INTS8: variants seen among roughly 807,000 people sequenced by gnomAD.
INTS8 encodes the protein integrator complex subunit 8.
A neutral mutation model predicts 138.9 loss-of-function variants in INTS8; 47 were observed. The observed-to-expected ratio is 0.34, with a 90% CI of 0.27 to 0.43. The LOEUF is 0.43. INTS8 is among the 20% of genes least tolerant of loss of function. INTS8 has a pLI of 1.00. For synonymous variants in INTS8, 392 were observed against 400.9 expected (o/e 0.98, Z 0.27); for missense variants, 996 against 1,173.0 (o/e 0.85, Z 2.20).
chr8:94,825,389 G>A (rs113512588), intron 2 of INTS8, among the ~76,000 whole-genome samples: 12 of 151,186 alleles, frequency 7.9e-5, no homozygotes, highest in African/African-American at 2.7e-4. Context: ...CCGAGATGGC[G>A]CTACTGCACT....
At chr8:94,841,673 T>A in intron 9 of INTS8, 82 bp downstream of exon 9, 1 of 738,274 alleles carries the variant, frequency 1.4e-6, no homozygotes, top group Non-Finnish European at 2.4e-6. Context: ...CATTTTCAAA[T>A]TTCCTATGGC....
chr8:94,854,744 T>C (rs1815682239), intron 14 of INTS8, among the ~76,000 whole-genome samples: 1 of 152,152 alleles, frequency 6.6e-6, no homozygotes, highest in African/African-American at 2.4e-5. Flanking sequence ...TGGGAACTTT[T>C]TGTTTGAGAC....
At chr8:94,843,853 C>T (rs1412100038) in intron 10 of INTS8, among the ~76,000 whole-genome samples, 1 of 152,144 alleles carries the variant, frequency 6.6e-6, no homozygotes, top group African/African-American at 2.4e-5. Flanking sequence ...CATCAGTCAA[C>T]ATCCTTGTTA....
chr8:94,838,596 G>C lies in INTS8; in HGVS notation c.995G>C (p.Cys332Ser), dbSNP rs550816890. Residue 332 changes from cysteine (C) to serine (S), a missense_variant, in exon 8 of 27, where the codon TGT becomes TCT. By Grantham distance (112) the Cys-to-Ser change is moderately radical. Coordinates refer to ENST00000523731, the MANE Select transcript of INTS8 (RefSeq NM_017864.4). ...QLTPYSQVHICLRSGNYQEVI... is the reference protein window; with the variant it reads ...QLTPYSQVHISLRSGNYQEVI... ...ACTCCATATAGTCAAGTCCATATTT[G>C]TTTGAGATCTGGCAACTATCAGGTA... 6.2e-7 allele frequency: 1 copy of C among 1,612,974 alleles called. No homozygotes were observed. Among genetic ancestry groups the C allele is most frequent in the African/African-American group, 1.3e-5 (1 of 75,010 alleles).
Position 94,881,165 on chromosome 8 carries a change from T to TTTAA in INTS8, c.*934_*937dup, listed in dbSNP as rs1346053512. 2.3e-5 allele frequency: 9 copies of TTTAA among 390,122 alleles called. No homozygotes were observed. Among genetic ancestry groups the TTTAA allele is most frequent in the Non-Finnish European group, 3.6e-5 (8 of 221,108 alleles). The allele number at this position is 390,122 out of a possible 1,614,324, so 24.2% of individuals were successfully genotyped here. ...CTAAACCTTTGTAAACAAGTTTAAA[T>TTTAA]TTAATTTTCAAGAACCAAATTGCAC... On this transcript the variant is annotated 3_prime_UTR_variant, in exon 27 of 27. Transcript: ENST00000523731.
rs993847060 is a variant in INTS8, at chr8:94,869,782, C to CACCCA, written c.2415-2102_2415-2101insACCCA. On this transcript the variant is annotated intron_variant, in intron 20 of 26. Coordinates refer to ENST00000523731, the MANE Select transcript of INTS8 (RefSeq NM_017864.4). The stretch of plus-strand genomic sequence containing the variant: ...CTGGGATTACAGGCATGAGCCACTG[C>CACCCA]GCCCCACCTAATGGTTGTGTTTTTT... Among the ~76,000 whole-genome samples, 128 of 152,158 alleles carry CACCCA rather than the reference C, an allele frequency of 8.4e-4. 3 individuals carry two copies. The highest frequency in any genetic ancestry group is 2.6e-4 in the Non-Finnish European group (18 of 68,030).
intron 16 of INTS8, among the ~76,000 whole-genome samples, chr8:94,860,579 CAAA>C (rs58945163): frequency 5.1e-5 from 2 of 39,464 alleles, no homozygotes; most frequent in Non-Finnish European, 9.5e-5. Context: ...AACTCTACCT[CAAA>C]AAAAAAAAAA....
chr8:94,871,694 TA>T (rs1816403398), intron 20 of INTS8, among the ~76,000 whole-genome samples, 189 bp from the exon 21 acceptor site: 2 of 152,328 alleles, frequency 1.3e-5, no homozygotes, highest in South Asian at 4.1e-4. Flanking sequence ...CAACCCCTCA[TA>T]AAAAGCCCAT....
At chr8:94,835,921 T>G (rs1372465713) in intron 6 of INTS8, among the ~76,000 whole-genome samples, 1 of 152,164 alleles carries the variant, frequency 6.6e-6, no homozygotes, top group Middle Eastern at 3.2e-3. Flanking sequence ...TAGAATCAAC[T>G]AAAAACTCCC....
chr8:94,826,678 G>T (rs1001458272), intron 2 of INTS8, among the ~76,000 whole-genome samples: 2 of 152,324 alleles, frequency 1.3e-5, no homozygotes, highest in Admixed American at 1.3e-4. Context: ...AATGATTTGG[G>T]AAGTGGGGAA....
At chr8:94,858,481 T>G (rs1815834613) in intron 15 of INTS8, among the ~76,000 whole-genome samples, 1 of 152,196 alleles carries the variant, frequency 6.6e-6, no homozygotes. Flanking sequence ...ACATATTTAC[T>G]TTTTAAAAGT....
Position 94,836,568 on chromosome 8 carries a change from A to C in INTS8, c.798A>C (p.Thr266=). Residue 266 remains threonine (T), a synonymous_variant, in exon 7 of 27, where the codon ACA becomes ACC. Coordinates refer to ENST00000523731, the MANE Select transcript of INTS8 (RefSeq NM_017864.4). ...LGAAYFQQGS[T]NSAVYENARE... is the part of the protein sequence containing the mutation. Reference sequence around the variant, plus strand: ...CAGCATACTTCCAGCAAGGCTCCACAAATTCAGCTGTCTATGAAAATGCCA... The same window carrying C: ...CAGCATACTTCCAGCAAGGCTCCACCAATTCAGCTGTCTATGAAAATGCCA... The C allele has an allele frequency of 6.2e-7, 1 of 1,614,140 alleles. No homozygotes were observed. Among genetic ancestry groups the C allele is most frequent in the Admixed American group, 1.7e-5 (1 of 60,016 alleles).
chr8:94,827,256 C>T lies in INTS8; in HGVS notation c.306-7C>T. 6.2e-7 allele frequency: 1 copy of T among 1,611,982 alleles called. No individual in the cohort carries two copies. Among genetic ancestry groups the T allele is most frequent in the South Asian group, 1.1e-5 (1 of 90,782 alleles). On this transcript the variant is annotated splice_region_variant and splice_polypyrimidine_tract_variant and intron_variant, in intron 2 of 26. Transcript: ENST00000523731. ...ATGTGCAAACATGTACGTTTTGCTT[C>T]TTCAAGTTTGTCTGTTCCAGTATTG...
intron 8 of INTS8, among the ~76,000 whole-genome samples, chr8:94,839,989 A>G (rs1018249916): frequency 6.6e-6 from 1 of 152,208 alleles, no homozygotes; most frequent in Non-Finnish European, 1.5e-5. Flanking sequence ...AGACAAGTAC[A>G]TGTTACTGTG....
At chr8:94,854,221 A>T (rs1180688653) in intron 14 of INTS8, among the ~76,000 whole-genome samples, 1 of 151,970 alleles carries the variant, frequency 6.6e-6, no homozygotes, top group Non-Finnish European at 1.5e-5. Flanking sequence ...AAAAAAAAAA[A>T]AAAGAAAAGA....
At chr8:94,869,280 C>T (rs986834920) in intron 20 of INTS8, among the ~76,000 whole-genome samples, 4 of 151,840 alleles carry the variant, frequency 2.6e-5, no homozygotes, top group African/African-American at 7.3e-5. Flanking sequence ...CCACGGCCAG[C>T]CCAGTTTTGC....
intron 17 of INTS8, 99 bp from the exon 18 acceptor site, chr8:94,866,059 T>C (rs1056889265): frequency 4.3e-5 from 25 of 586,448 alleles, no homozygotes; most frequent in Non-Finnish European, 5.2e-5. Context: ...ACTTGCAGAA[T>C]TGGAGCATTA....
intron 17 of INTS8, among the ~76,000 whole-genome samples, 197 bp downstream of exon 17, chr8:94,865,887 T>C (rs964406176): frequency 6.6e-6 from 1 of 152,226 alleles, no homozygotes; most frequent in African/African-American, 2.4e-5. Flanking sequence ...AAAGATCTTT[T>C]GTTTATATGT....
rs199840154 is a variant in INTS8, at chr8:94,859,663, G to A, written c.2076+31G>A. 202 of 1,553,182 alleles carry A rather than the reference G, an allele frequency of 1.3e-4. No homozygotes were observed. In the African/African-American group the frequency reaches 2.7e-3, roughly 20 times the overall value. On this transcript the variant is annotated intron_variant, in intron 16 of 26. Coordinates refer to ENST00000523731, the MANE Select transcript of INTS8 (RefSeq NM_017864.4). Reference sequence around the variant, plus strand: ...TAATGTTTAAATAAAAGGATTGTTAGGATGGTATTATTATACTTGTTTCTT... The same window carrying A: ...TAATGTTTAAATAAAAGGATTGTTAAGATGGTATTATTATACTTGTTTCTT...
Sources: gnomAD v4.1 joint callset for allele counts (sites outside exome capture counted in the v4.1 genomes callset) on GRCh38, gnomAD v4.1.1 for gene constraint, MANE v1.5 for transcripts, NCBI Gene and HGNC (gene_info 2026-07-23, HGNC 2026-07-21) for gene names.